TESK2: variants seen among roughly 807,000 people sequenced by gnomAD.
TESK2 encodes dual specificity testis-specific protein kinase 2.
In TESK2, 39 loss-of-function variants were observed where a neutral mutation model predicts 57.1. That is an observed-to-expected ratio of 0.68 (90% confidence interval 0.53 to 0.89). The LOEUF is 0.89. TESK2 is among the 40% of genes least tolerant of loss of function. The pLI is 0.00. For synonymous variants in TESK2, 249 were observed against 267.9 expected (o/e 0.93, Z 0.69); for missense variants, 646 against 732.1 (o/e 0.88, Z 1.36).
At chr1:45,471,451 G>A (rs772248983) in intron 1 of TESK2, among the ~76,000 whole-genome samples, 1 of 152,032 alleles carries the variant, frequency 6.6e-6, no homozygotes, top group Non-Finnish European at 1.5e-5. Flanking sequence ...TGTTGCCCAG[G>A]CTGGAGAACA....
At chr1:45,439,822 G>A (rs902094446) in intron 2 of TESK2, among the ~76,000 whole-genome samples, 2 of 152,144 alleles carry the variant, frequency 1.3e-5, no homozygotes, top group African/African-American at 4.8e-5. Flanking sequence ...AGGCATGCTG[G>A]TGGTACATGC....
chr1:45,395,277 A>G (rs1302873070), intron 3 of TESK2, among the ~76,000 whole-genome samples: 1 of 152,196 alleles, frequency 6.6e-6, no homozygotes, highest in African/African-American at 2.4e-5. Flanking sequence ...ATAGCCTACA[A>G]TACCCTCAGG....
chr1:45,384,373 ATCTATCTATCTATCTG>A (rs1169462808), intron 4 of TESK2, among the ~76,000 whole-genome samples: 4 of 135,136 alleles, frequency 3.0e-5, no homozygotes, highest in Admixed American at 1.5e-4. Flanking sequence ...GTATCTATCT[ATCTATCTATCTATCTG>A]TCTATCTATC....
At chr1:45,348,554 CCT>C (rs914861119) in intron 5 of TESK2, among the ~76,000 whole-genome samples, 9 of 152,218 alleles carry the variant, frequency 5.9e-5, no homozygotes, top group Non-Finnish European at 4.4e-5. Flanking sequence ...CCGCTGTCCC[CCT>C]GTTCCTGGTG....
chr1:45,442,242 G>T (rs1010046236), intron 2 of TESK2, among the ~76,000 whole-genome samples: 1 of 151,426 alleles, frequency 6.6e-6, no homozygotes, highest in Admixed American at 6.6e-5. Context: ...GGCCAAAATT[G>T]TTCATTTTTA....
Position 45,344,524 on chromosome 1 carries a change from C to CGG in TESK2, c.*315_*316insCC. On this transcript the variant is annotated 3_prime_UTR_variant, in exon 11 of 11. Transcript: ENST00000372086. ...GGGAAAGAACCGGGGTAATAGCTGC[C>CGG]TGCCAGCTCAGCCTAGAACTAGACA... is the stretch of plus-strand genomic sequence containing the variant. 3.4e-6 allele frequency: 1 copy of CGG among 298,344 alleles called. No homozygotes were observed. The highest frequency in any genetic ancestry group is 4.7e-5 in the Admixed American group (1 of 21,236). The allele number at this position is 298,344 out of a possible 1,614,324, so 18.5% of individuals were successfully genotyped here. A position where few individuals can be genotyped will look rare whatever the true frequency, so the allele number is the denominator to read the frequency against.
chr1:45,429,859 G>A (rs1255870062), intron 2 of TESK2, among the ~76,000 whole-genome samples: 1 of 152,170 alleles, frequency 6.6e-6, no homozygotes, highest in African/African-American at 2.4e-5. Flanking sequence ...CTTTTCTGTT[G>A]TTTGATATCC....
chr1:45,450,768 T>TC (rs1326281347), intron 2 of TESK2, among the ~76,000 whole-genome samples: 1 of 95,298 alleles, frequency 1.0e-5, no homozygotes, highest in Non-Finnish European at 2.8e-5. Flanking sequence ...TTTCTTTTTC[T>TC]TTTTTTTTAA....
intron 1 of TESK2, among the ~76,000 whole-genome samples, chr1:45,469,601 C>T (rs571856712): frequency 9.2e-5 from 14 of 152,272 alleles, no homozygotes; most frequent in African/African-American, 2.4e-4. Context: ...GGGTTAGCTA[C>T]GTAGAAAGCT....
chr1:45,403,486 T>A (rs1649716141), intron 3 of TESK2, among the ~76,000 whole-genome samples: 1 of 152,160 alleles, frequency 6.6e-6, no homozygotes, highest in South Asian at 2.1e-4. Context: ...GAGTCTCACA[T>A]CAGGTGACAC....
At chr1:45,414,304 G>A (rs1307337916) in intron 3 of TESK2, among the ~76,000 whole-genome samples, 1 of 152,150 alleles carries the variant, frequency 6.6e-6, no homozygotes, top group Non-Finnish European at 1.5e-5. Flanking sequence ...GGCTTATGCA[G>A]AACAAAAATG....
intron 2 of TESK2, among the ~76,000 whole-genome samples, chr1:45,431,285 G>A (rs1353114602): frequency 2.0e-5 from 3 of 152,158 alleles, no homozygotes; most frequent in African/African-American, 7.2e-5. Context: ...GGGCATGTTG[G>A]CACGTGCCTG....
intron 2 of TESK2, among the ~76,000 whole-genome samples, chr1:45,443,568 CAAAAAAAAAAAAAAAAA>C (rs34128016): frequency 3.1e-5 from 1 of 32,020 alleles, no homozygotes; most frequent in South Asian, 1.9e-3. Context: ...AGATCCATCG[CAAAAAAAAAAAAAAAAA>C]AAAAAAAAAA....
intron 2 of TESK2, among the ~76,000 whole-genome samples, chr1:45,437,742 T>G (rs951256560): frequency 6.6e-6 from 1 of 152,148 alleles, no homozygotes; most frequent in Non-Finnish European, 1.5e-5. Context: ...TTGTTGAGAG[T>G]TTTTATCATA....
At chr1:45,384,682 G>C (rs1295547764) in intron 4 of TESK2, among the ~76,000 whole-genome samples, 1 of 135,414 alleles carries the variant, frequency 7.4e-6, no homozygotes, top group Non-Finnish European at 1.5e-5. Context: ...CTGGTCTTAG[G>C]TAATCCTCTC....
intron 2 of TESK2, among the ~76,000 whole-genome samples, chr1:45,448,061 C>A (rs553444775): frequency 2.8e-5 from 4 of 142,568 alleles, no homozygotes; most frequent in Non-Finnish European, 4.6e-5. Context: ...TTGGTAGAGA[C>A]CTTGTGTCTA....
At position 45,430,861 on chromosome 1, in the gene TESK2, C is replaced by T. The variant is rs72894328; in HGVS notation, c.223-9015G>A. On this transcript the variant is annotated intron_variant, in intron 2 of 10. Transcript: ENST00000372086. ...TATGGACGGACAGAAATAGAGGTTG[C>T]GTTATATTTGTAGTTAGCGTAAAGA... is the stretch of plus-strand genomic sequence containing the variant. Among the ~76,000 whole-genome samples the T allele has an allele frequency of 6.3e-3, 952 of 152,092 alleles. 8 individuals are homozygous for T. Among genetic ancestry groups the T allele is most frequent in the African/African-American group, 0.022 (895 of 41,464 alleles).
chr1:45,477,821 T>C (rs1653059529), intron 1 of TESK2, among the ~76,000 whole-genome samples: 1 of 152,044 alleles, frequency 6.6e-6, no homozygotes, highest in Admixed American at 6.6e-5. Context: ...TGCTCCACTA[T>C]AATTAGGCTA....
chr1:45,404,850 A>G (rs1186642923), intron 3 of TESK2, among the ~76,000 whole-genome samples: 2 of 152,040 alleles, frequency 1.3e-5, no homozygotes, highest in Admixed American at 1.3e-4. Flanking sequence ...GCCTATTTCT[A>G]TTTTAGAGAT....
Sources: gnomAD v4.1 joint callset for allele counts (sites outside exome capture counted in the v4.1 genomes callset) on GRCh38, gnomAD v4.1.1 for gene constraint, MANE v1.5 for transcripts, NCBI Gene and HGNC (gene_info 2026-07-23, HGNC 2026-07-21) for gene names.